MARCHF1: variants seen among roughly 807,000 people sequenced by gnomAD.
The protein encoded by MARCHF1 is membrane associated ring-CH-type finger 1.
A neutral mutation model predicts 54.2 loss-of-function variants in MARCHF1; 40 were observed. That is an observed-to-expected ratio of 0.74 (90% CI 0.57 to 0.96). The LOEUF (loss-of-function observed/expected upper bound fraction) is 0.96. Among genes scored for constraint, MARCHF1 ranks in the 40% least tolerant of loss-of-function variants. The pLI, the probability that MARCHF1 is intolerant of heterozygous loss-of-function variation, is 0.00. For synonymous variants in MARCHF1, 236 were observed against 236.3 expected (o/e 1.00, Z 0.01); for missense variants, 586 against 656.5 (o/e 0.89, Z 1.17).
At chr4:163,777,467 A>G (rs1747338588) in intron 4 of MARCHF1, among the ~76,000 whole-genome samples, 1 of 152,136 alleles carries the variant, frequency 6.6e-6, no homozygotes, top group Non-Finnish European at 1.5e-5. Context: ...ATAAGGCATT[A>G]CATGTTCACT....
chr4:163,892,746 T>A (rs985863649), intron 3 of MARCHF1, among the ~76,000 whole-genome samples: 1 of 152,082 alleles, frequency 6.6e-6, no homozygotes, highest in Non-Finnish European at 1.5e-5. Context: ...TAAAAGGACA[T>A]TATATCAAGA....
At chr4:163,857,773 T>C (rs1749807928) in intron 3 of MARCHF1, among the ~76,000 whole-genome samples, 1 of 152,156 alleles carries the variant, frequency 6.6e-6, no homozygotes, top group South Asian at 2.1e-4. Context: ...TCAGAAAACA[T>C]CTACTGAACA....
chr4:164,282,501 A>C (rs1416802739), intron 1 of MARCHF1, among the ~76,000 whole-genome samples: 1 of 150,438 alleles, frequency 6.6e-6, no homozygotes, highest in Non-Finnish European at 1.5e-5. Context: ...CGTTCCAATA[A>C]ATTTACCTAT....
chr4:163,838,407 A>AT (rs1468314684), intron 4 of MARCHF1, among the ~76,000 whole-genome samples: 1 of 152,046 alleles, frequency 6.6e-6, no homozygotes, highest in Non-Finnish European at 1.5e-5. Context: ...TATAGACACA[A>AT]TTTTTTTCTA....
chr4:164,155,935 G>T (rs1730065932), intron 1 of MARCHF1, among the ~76,000 whole-genome samples: 1 of 152,038 alleles, frequency 6.6e-6, no homozygotes. Context: ...TTTCAGTTGT[G>T]ATACAAAGTA....
At chr4:164,145,210 C>T (rs1467827888) in intron 1 of MARCHF1, among the ~76,000 whole-genome samples, 3 of 151,994 alleles carry the variant, frequency 2.0e-5, no homozygotes, top group African/African-American at 7.2e-5. Context: ...AGTCCAGGAC[C>T]AGATGGATTC....
At chr4:163,803,732 G>A (rs1025777251) in intron 4 of MARCHF1, among the ~76,000 whole-genome samples, 16 of 152,002 alleles carry the variant, frequency 1.1e-4, no homozygotes, top group South Asian at 4.2e-4. Context: ...TCAATTCCAT[G>A]TGGATTTGGA....
intron 1 of MARCHF1, among the ~76,000 whole-genome samples, chr4:164,130,938 T>C (rs1049253671): frequency 6.6e-6 from 1 of 152,218 alleles, no homozygotes; most frequent in African/African-American, 2.4e-5. Flanking sequence ...ATACGAGACA[T>C]CTTTTACATT....
At chr4:163,729,119 C>A (rs955698325) in intron 4 of MARCHF1, among the ~76,000 whole-genome samples, 1 of 152,012 alleles carries the variant, frequency 6.6e-6, no homozygotes, top group Non-Finnish European at 1.5e-5. Context: ...TGAGATAAAT[C>A]CCACTGGTCA....
intron 1 of MARCHF1, among the ~76,000 whole-genome samples, chr4:164,134,701 A>G (rs77580661): frequency 0.022 from 3,387 of 152,206 alleles, 110 homozygotes; most frequent in East Asian, 0.16. Context: ...AGGACTGTAT[A>G]CTGGTATAAA....
intron 1 of MARCHF1, among the ~76,000 whole-genome samples, chr4:164,307,398 C>T (rs1034257080): frequency 6.6e-6 from 1 of 152,194 alleles, no homozygotes; most frequent in African/African-American, 2.4e-5. Flanking sequence ...CAGCAGCAAC[C>T]TGTTTACTCT....
chr4:163,992,445 A>G (rs1752985245), intron 2 of MARCHF1, among the ~76,000 whole-genome samples: 1 of 152,074 alleles, frequency 6.6e-6, no homozygotes, highest in South Asian at 2.1e-4. Context: ...GCTTTGAGCA[A>G]CAATAAATAA....
At chr4:164,333,620 T>C (rs1267668913) in intron 1 of MARCHF1, among the ~76,000 whole-genome samples, 1 of 152,164 alleles carries the variant, frequency 6.6e-6, no homozygotes, top group East Asian at 1.9e-4. Flanking sequence ...ACTCCGTCCC[T>C]CTCCTCGGAC....
chr4:164,088,591 G>A (rs890247477), intron 2 of MARCHF1, among the ~76,000 whole-genome samples: 4 of 151,832 alleles, frequency 2.6e-5, no homozygotes, highest in Non-Finnish European at 5.9e-5. Context: ...TACAAACTTT[G>A]GGCTGGCATG....
intron 1 of MARCHF1, among the ~76,000 whole-genome samples, chr4:164,356,123 C>T (rs934862723): frequency 7.9e-5 from 10 of 126,264 alleles, no homozygotes; most frequent in African/African-American, 2.4e-4. Flanking sequence ...ACAACAGGTG[C>T]TGGAGAGGAT....
intron 1 of MARCHF1, among the ~76,000 whole-genome samples, chr4:164,173,743 T>G (rs1579594326): frequency 6.6e-6 from 1 of 152,170 alleles, no homozygotes; most frequent in African/African-American, 2.4e-5. Flanking sequence ...CCTTCTGACC[T>G]GAGTGGAAGC....
intron 4 of MARCHF1, among the ~76,000 whole-genome samples, chr4:163,824,723 A>T (rs1405528001): frequency 4.7e-5 from 4 of 85,590 alleles, no homozygotes; most frequent in African/African-American, 1.4e-4. Flanking sequence ...ATGGGAGAAA[A>T]TTTTCACAAC....
chr4:163,909,041 AT>A (rs966486387), intron 3 of MARCHF1, among the ~76,000 whole-genome samples: 24 of 152,194 alleles, frequency 1.6e-4, no homozygotes, highest in African/African-American at 5.5e-4. Flanking sequence ...ACACAACTTC[AT>A]TTTTTTAACA....
chr4:163,956,643 A>T (rs971076131), intron 3 of MARCHF1, among the ~76,000 whole-genome samples: 6 of 152,166 alleles, frequency 3.9e-5, no homozygotes, highest in Admixed American at 6.5e-5. Flanking sequence ...TGTAATATGA[A>T]GTGCAAAATT....
Sources: gnomAD v4.1 joint callset for allele counts (sites outside exome capture counted in the v4.1 genomes callset) on GRCh38, gnomAD v4.1.1 for gene constraint, MANE v1.5 for transcripts, NCBI Gene and HGNC (gene_info 2026-07-23, HGNC 2026-07-21) for gene names.